LRRC37A2: variants seen among roughly 807,000 people sequenced by gnomAD.
The protein encoded by LRRC37A2 is leucine rich repeat containing 37 member A2.
LRRC37A2 carries 9 observed loss-of-function variants against 68.8 expected under a neutral mutation model. The observed-to-expected ratio is 0.13, with a 90% confidence interval of 0.08 to 0.23. The LOEUF is 0.23. Ranked by LOEUF, LRRC37A2 falls within the 10% of genes least tolerant of loss-of-function variation. The pLI, the probability that LRRC37A2 is intolerant of heterozygous loss-of-function variation, is 1.00. For missense variants in LRRC37A2, 168 were observed against 950.4 expected (o/e 0.18, Z 10.82); for synonymous variants, 63 against 367.6 (o/e 0.17, Z 9.48).
the LRRC37A2 span, among the ~76,000 whole-genome samples, chr17:47,035,541 T>C: frequency 1.8e-4 from 27 of 152,372 alleles, no homozygotes; most frequent in South Asian, 5.6e-3. Context: ...GAGCCATCAC[T>C]ATATCCGTTC....
At chr17:46,832,388 G>C in the LRRC37A2 span, among the ~76,000 whole-genome samples, 89 of 140,276 alleles carry the variant, frequency 6.3e-4, no homozygotes, top group African/African-American at 2.1e-3. Context: ...CAAGACACAG[G>C]GGGGAAAAGA....
At chr17:46,989,203 G>A in the LRRC37A2 span, among the ~76,000 whole-genome samples, 3 of 152,276 alleles carry the variant, frequency 2.0e-5, no homozygotes, top group East Asian at 5.8e-4. Flanking sequence ...CGTGTTGTAG[G>A]GACTCCTGTC....
chr17:46,534,629 G>C (rs1473847357), intron 6 of LRRC37A2, among the ~76,000 whole-genome samples: 5 of 148,112 alleles, frequency 3.4e-5, no homozygotes, highest in Admixed American at 6.6e-5. Flanking sequence ...TCTGATTTCT[G>C]TATCTTTTCC....
the LRRC37A2 span, among the ~76,000 whole-genome samples, chr17:46,855,248 C>T: frequency 3.3e-5 from 5 of 152,174 alleles, no homozygotes; most frequent in Admixed American, 2.6e-4. Context: ...AGGGAGCCTC[C>T]CTTCCCTGCT....
At chr17:46,804,351 T>G in the LRRC37A2 span, among the ~76,000 whole-genome samples, 2 of 152,160 alleles carry the variant, frequency 1.3e-5, no homozygotes, top group Non-Finnish European at 2.9e-5. Flanking sequence ...CCTCCCAAAG[T>G]GCTGGGACTA....
the LRRC37A2 span, among the ~76,000 whole-genome samples, chr17:46,806,974 G>A: frequency 1.3e-5 from 2 of 152,324 alleles, no homozygotes; most frequent in South Asian, 4.1e-4. Flanking sequence ...TAGCACCGTC[G>A]GCTTCCAAGG....
At chr17:46,782,558 G>C in the LRRC37A2 span, among the ~76,000 whole-genome samples, 1 of 152,272 alleles carries the variant, frequency 6.6e-6, no homozygotes, top group East Asian at 1.9e-4. Flanking sequence ...GTTGGCTTTG[G>C]AACTCAGGCC....
the LRRC37A2 span, among the ~76,000 whole-genome samples, chr17:46,797,274 AAG>A: frequency 6.6e-6 from 1 of 152,208 alleles, no homozygotes; most frequent in East Asian, 1.9e-4. Flanking sequence ...ACTCTGGCCC[AAG>A]AGCTGTCTGG....
chr17:46,872,587 G>T, the LRRC37A2 span: 1 of 1,610,260 alleles, frequency 6.2e-7, no homozygotes, highest in South Asian at 1.1e-5. Context: ...ACAGGGCGGG[G>T]CCCACCTGAA....
the LRRC37A2 span, among the ~76,000 whole-genome samples, chr17:46,841,967 C>A: frequency 4.9e-4 from 74 of 152,340 alleles, no homozygotes; most frequent in African/African-American, 1.7e-3. Context: ...CCGCGGCCGC[C>A]GCGAGCAGCG....
chr17:46,642,426 ATTCT>A, the LRRC37A2 span, among the ~76,000 whole-genome samples: 2 of 136,150 alleles, frequency 1.5e-5, no homozygotes, highest in African/African-American at 3.0e-5. Context: ...TACTTAATTT[ATTCT>A]TTGTTTGAAA....
the LRRC37A2 span, among the ~76,000 whole-genome samples, chr17:46,777,995 A>G: frequency 6.6e-6 from 1 of 152,206 alleles, no homozygotes; most frequent in Non-Finnish European, 1.5e-5. Flanking sequence ...TGATCTCAGC[A>G]ATTTTCTTAA....
chr17:46,752,382 C>T, the LRRC37A2 span, among the ~76,000 whole-genome samples: 1 of 152,160 alleles, frequency 6.6e-6, no homozygotes, highest in Non-Finnish European at 1.5e-5. Context: ...GTTCAGAGAC[C>T]TTGGCTCTTA....
chr17:46,605,995 C>CAA, the LRRC37A2 span, among the ~76,000 whole-genome samples: 16 of 51,052 alleles, frequency 3.1e-4, 1 homozygote, highest in Admixed American at 1.6e-3. Context: ...ACTAAAAATA[C>CAA]AAAAAAAAAA....
the LRRC37A2 span, among the ~76,000 whole-genome samples, chr17:46,900,190 TATATATATATATACAC>T: frequency 2.1e-4 from 21 of 99,400 alleles, no homozygotes; most frequent in African/African-American, 8.9e-4. Flanking sequence ...TATATATATA[TATATATATATATACAC>T]ACACACACAC....
At chr17:46,774,364 A>G in the LRRC37A2 span, among the ~76,000 whole-genome samples, 1 of 152,072 alleles carries the variant, frequency 6.6e-6, no homozygotes, top group Non-Finnish European at 1.5e-5. Flanking sequence ...GCGCGCGCGC[A>G]CACACACACA....
At chr17:46,905,140 C>T in the LRRC37A2 span, among the ~76,000 whole-genome samples, 11 of 151,878 alleles carry the variant, frequency 7.2e-5, no homozygotes, top group African/African-American at 1.2e-4. Context: ...GGCTCCATCT[C>T]GGCTCACTGC....
At chr17:46,772,362 C>G in the LRRC37A2 span, among the ~76,000 whole-genome samples, 2 of 152,246 alleles carry the variant, frequency 1.3e-5, no homozygotes, top group Non-Finnish European at 2.9e-5. Context: ...ATGGGTAGCG[C>G]TCCCAGAGCC....
At chr17:46,891,021 G>C in the LRRC37A2 span, among the ~76,000 whole-genome samples, 2 of 152,250 alleles carry the variant, frequency 1.3e-5, no homozygotes, top group East Asian at 3.9e-4. Flanking sequence ...CCTTGCCTGA[G>C]GCTGGAAAGG....
Sources: gnomAD v4.1 joint callset for allele counts (sites outside exome capture counted in the v4.1 genomes callset) on GRCh38, gnomAD v4.1.1 for gene constraint, MANE v1.5 for transcripts, NCBI Gene and HGNC (gene_info 2026-07-23, HGNC 2026-07-21) for gene names.